The following ECHS1 variants were observed in gnomAD, a reference collection of about 807,000 sequenced individuals.
ECHS1 encodes enoyl-CoA hydratase, mitochondrial.
ECHS1 carries 19 observed loss-of-function variants against 33.5 expected under a neutral mutation model. The ratio of observed to expected loss-of-function variants is 0.57; its 90% CI spans 0.40 to 0.83. The LOEUF (loss-of-function observed/expected upper bound fraction) is 0.83. Among genes scored for constraint, ECHS1 ranks in the 40% least tolerant of loss-of-function variants. The probability of loss-of-function intolerance (pLI) is 0.00; values close to 1 mark genes in which losing one functional copy is unlikely to be tolerated. For missense variants in ECHS1, 365 were observed against 381.3 expected, an observed-to-expected ratio of 0.96 and a Z score of 0.36; for synonymous variants, 158 against 146.6, an observed-to-expected ratio of 1.08 and a Z score of -0.56.
chr10:133,363,036 C>CA (rs1473039869), intron 7 of ECHS1, 103 bp from the exon 8 acceptor site: 1 of 1,379,274 alleles, frequency 7.3e-7, no homozygotes, highest in Non-Finnish European at 1.0e-6. Flanking sequence ...CACTCATGCT[C>CA]ACAGGGGCCC....
chr10:133,373,096 G>T, intron 1 of ECHS1, 150 bp downstream of exon 1: 1 of 546,160 alleles, frequency 1.8e-6, no homozygotes, highest in Non-Finnish European at 2.9e-6. Flanking sequence ...TCAGGTGAGG[G>T]TGCGGGGTCA....
chr10:133,370,834 C>G, intron 1 of ECHS1, 77 bp from the exon 2 acceptor site: 1 of 1,468,162 alleles, frequency 6.8e-7, no homozygotes, highest in Non-Finnish European at 9.2e-7. Flanking sequence ...GGATGTGGCC[C>G]CATCGGTGGA....
intron 4 of ECHS1, among the ~76,000 whole-genome samples, chr10:133,367,567 T>C (rs1849049761): frequency 6.6e-6 from 1 of 151,648 alleles, no homozygotes; most frequent in African/African-American, 2.4e-5. Flanking sequence ...TAGCAGACCA[T>C]GAAAGGGAGT....
Position 133,366,091 on chromosome 10 carries a change from A to C in ECHS1, c.624T>G (p.Leu208=). The part of the protein sequence containing the change: ...ISAQDAKQAG[L]VSKICPVETL... ...TCTCAACAGGACAAATCTTGCTGAC[A>C]AGACCTGAAACACAAGAAAGTCAGT... The change falls in exon 6 of 8, where the codon CTT becomes CTG. Residue 208 remains leucine, a synonymous_variant. Transcript: ENST00000368547. 1 of 1,613,278 alleles carries C rather than the reference A, an allele frequency of 6.2e-7. No individual in the cohort carries two copies. Among genetic ancestry groups the C allele is most frequent in the Non-Finnish European group, 8.5e-7 (1 of 1,179,846 alleles).
chr10:133,372,701 G>A (rs1296313352), intron 1 of ECHS1, among the ~76,000 whole-genome samples: 1 of 148,658 alleles, frequency 6.7e-6, no homozygotes, highest in Non-Finnish European at 1.5e-5. Flanking sequence ...TGCGGGCCAG[G>A]GTCAGGTGGG....
At position 133,370,735 on chromosome 10, in the gene ECHS1, G is replaced by A. The variant is rs769320702; in HGVS notation, c.111C>T (p.Ile37=). The part of the protein sequence containing the change: ...FASGANFEYI[I]AEKRGKNNTV... ...TGTTATTCTTCCCTCTTTTTTCTGC[G>A]ATGATGTACTCAAAGTTAGCACCTG... Residue 37 remains isoleucine (I), a synonymous_variant, in exon 2 of 8, where the codon ATC becomes ATT. Transcript: ENST00000368547. 21 of 1,612,014 alleles carry A rather than the reference G, an allele frequency of 1.3e-5. No homozygotes were observed. Among genetic ancestry groups the A allele is most frequent in the East Asian group, 2.2e-5 (1 of 44,806 alleles).
At chr10:133,363,329 A>C (rs1848988088) in intron 7 of ECHS1, among the ~76,000 whole-genome samples, 1 of 150,082 alleles carries the variant, frequency 6.7e-6, no homozygotes, top group Admixed American at 6.7e-5. Context: ...CACTGTGTGC[A>C]CGTGTGTCCC....
In ECHS1 at chr10:133,363,382, C is replaced by CGCATCTGT. The variant is rs1270199896; in HGVS notation, c.808-450_808-449insACAGATGC. ...ACACACACACACACACACACACACA[C>CGCATCTGT]ACGCATCTGTACCCCTTCCTCAGGT... On this transcript the variant is annotated intron_variant, in intron 7 of 7. Transcript: ENST00000368547. Among the ~76,000 whole-genome samples, 19 of 150,172 alleles carry CGCATCTGT rather than the reference C, an allele frequency of 1.3e-4. No homozygotes were observed. The South Asian group carries it at 2.1e-3, about 17-fold the overall frequency.
chr10:133,368,847 C>T, intron 4 of ECHS1, 76 bp downstream of exon 4: 1 of 1,375,286 alleles, frequency 7.3e-7, no homozygotes, highest in Non-Finnish European at 1.0e-6. Context: ...CAGATATGAG[C>T]TGTGGGCCCT....
In ECHS1 at chr10:133,373,327, C is replaced by T. The variant is rs1057520096; in HGVS notation, c.7G>A (p.Ala3Thr). 4.5e-5 allele frequency: 67 copies of T among 1,502,270 alleles called. No homozygotes were observed. The highest frequency in any genetic ancestry group is 6.2e-5 in the Admixed American group (3 of 48,002). The allele number at this position is 1,502,270 out of a possible 1,614,324, so 93.1% of individuals were successfully genotyped here. Residue 3 changes from alanine (A) to threonine (T), a missense_variant, in exon 1 of 8, where the codon GCC (alanine) becomes ACC (threonine). Transcript: ENST00000368547. Reference protein sequence around the residue: MAALRVLLSCVRG... With the variant: MATLRVLLSCVRG... The stretch of plus-strand genomic sequence containing the variant: ...ACGCAGGACAGCAGGACACGCAGGG[C>T]GGCCATGGCTCTCTGGACTCCTCGC...
intron 4 of ECHS1, 135 bp downstream of exon 4, chr10:133,368,788 C>T: frequency 1.3e-6 from 1 of 777,896 alleles, no homozygotes; most frequent in East Asian, 2.7e-5. Flanking sequence ...TGGCTGTCCA[C>T]AGAGGGACCA....
intron 5 of ECHS1, among the ~76,000 whole-genome samples, chr10:133,366,495 G>A (rs1024465691): frequency 1.3e-5 from 2 of 152,392 alleles, no homozygotes; most frequent in South Asian, 4.1e-4. Flanking sequence ...CGTACATACA[G>A]TACTTCAAAA....
rs372349775 is a variant in ECHS1, at chr10:133,368,886, C to G, written c.514+37G>C. The stretch of plus-strand genomic sequence containing the variant: ...ACACAGGCAGATTTTGAGTAATTAC[C>G]TAAGGCATCTATGCCAGAGACAGTG... On this transcript the variant is annotated intron_variant, in intron 4 of 7. Coordinates refer to ENST00000368547, the MANE Select transcript of ECHS1 (RefSeq NM_004092.4). 6.6e-5 allele frequency: 105 copies of G among 1,588,690 alleles called. No homozygotes were observed. In the African/African-American group the frequency reaches 1.2e-3, roughly 18 times the overall value.
chr10:133,372,103 G>T (rs1315907678), intron 1 of ECHS1, among the ~76,000 whole-genome samples: 1 of 152,194 alleles, frequency 6.6e-6, no homozygotes, highest in African/African-American at 2.4e-5. Flanking sequence ...TATCCTGTGG[G>T]TTTCTAGGGG....
chr10:133,365,756 T>C (rs557946630), intron 6 of ECHS1, among the ~76,000 whole-genome samples: 37 of 152,332 alleles, frequency 2.4e-4, no homozygotes, highest in African/African-American at 7.0e-4. Context: ...GGCTCAGTTC[T>C]TGGGCCCTGG....
chr10:133,369,786 A>T, intron 3 of ECHS1, 118 bp downstream of exon 3: 1 of 1,392,334 alleles, frequency 7.2e-7, no homozygotes, highest in South Asian at 1.5e-5. Context: ...GAGGCAGGAA[A>T]GGAGGCTGCT....
chr10:133,366,257 G>A (rs1474584343), intron 5 of ECHS1, among the ~76,000 whole-genome samples, 162 bp from the exon 6 acceptor site: 1 of 152,238 alleles, frequency 6.6e-6, no homozygotes, highest in Non-Finnish European at 1.5e-5. Flanking sequence ...GCCCCTTCCT[G>A]AGTGCTGAGT....
chr10:133,372,872 G>C (rs192155878), intron 1 of ECHS1, among the ~76,000 whole-genome samples: 2,569 of 130,108 alleles, frequency 0.02, 46 homozygotes, highest in Non-Finnish European at 0.03. Context: ...GCGGGGTCAG[G>C]CAGGAGAGTG....
chr10:133,370,545 T>A lies in ECHS1; in HGVS notation c.286+15A>T, dbSNP rs1238873206. Reference sequence around the variant, plus strand: ...ACATCTGCCCAGACACAAAGGCCTCTGCTGCCGCGCGTACCTGCAAAGGCC... The same window carrying A: ...ACATCTGCCCAGACACAAAGGCCTCAGCTGCCGCGCGTACCTGCAAAGGCC... On this transcript the variant is annotated intron_variant, in intron 2 of 7. Transcript: ENST00000368547. 3 of 1,520,460 alleles carry A rather than the reference T, an allele frequency of 2.0e-6. No individual in the cohort carries two copies. In the East Asian group the frequency reaches 7.1e-5, roughly 36 times the overall value. 94.2% of individuals were successfully genotyped at this position (1,520,460 alleles called of 1,614,324 possible).
Sources: gnomAD v4.1 joint callset for allele counts (sites outside exome capture counted in the v4.1 genomes callset) on GRCh38, gnomAD v4.1.1 for gene constraint, MANE v1.5 for transcripts, NCBI Gene and HGNC (gene_info 2026-07-23, HGNC 2026-07-21) for gene names.